The following MEGF6 variants were observed in gnomAD, a reference collection of about 807,000 sequenced individuals.
MEGF6 encodes multiple epidermal growth factor-like domains protein 6.
MEGF6 carries 184 observed loss-of-function variants against 207.1 expected under a neutral mutation model. The observed-to-expected ratio is 0.89, with a 90% CI of 0.79 to 1.00. The LOEUF is 1.00. Ranked by LOEUF, MEGF6 falls within the 50% of genes least tolerant of loss-of-function variation. MEGF6 has a pLI of 0.00. For synonymous variants in MEGF6, 1,038 were observed against 910.0 expected, an observed-to-expected ratio of 1.14 and a Z score of -2.53; for missense variants, 2,282 against 2,202.9, an observed-to-expected ratio of 1.04 and a Z score of -0.72.
chr1:3,579,948 A>C lies in MEGF6; in HGVS notation c.377-19T>G. ...CATTCAGCTGCGGAGGGAAGGAGAA[A>C]ATCGGTGAGAGGGGCAAGGAGGGGT... On this transcript the variant is annotated intron_variant, in intron 3 of 36. Coordinates refer to ENST00000356575, the MANE Select transcript of MEGF6 (RefSeq NM_001409.4). The C allele has an allele frequency of 6.7e-7, 1 of 1,489,732 alleles. No homozygotes were observed. The highest frequency in any genetic ancestry group is 8.9e-7 in the Non-Finnish European group (1 of 1,121,376). The allele number at this position is 1,489,732 out of a possible 1,614,324, so 92.3% of individuals were successfully genotyped here. A position where few individuals can be genotyped will look rare whatever the true frequency, so the allele number is the denominator to read the frequency against.
chr1:3,608,513 T>C (rs772068956), intron 1 of MEGF6, among the ~76,000 whole-genome samples: 6 of 151,942 alleles, frequency 3.9e-5, no homozygotes, highest in Admixed American at 2.0e-4. Flanking sequence ...GGACTTGAGC[T>C]TGCAGGGCCC....
In MEGF6 at chr1:3,489,681, C is replaced by G. The variant is rs1640274163; in HGVS notation, c.*847G>C. Among the ~76,000 whole-genome samples the G allele has an allele frequency of 6.6e-6, 1 of 152,152 alleles. No individual in the cohort carries two copies. The highest frequency in any genetic ancestry group is 6.5e-5 in the Admixed American group (1 of 15,278). ...CCACACCAGCCCTCCTCCCCCTGGGCCATTCTCTGGGAACAGCCAGTCTCT... is the reference window on the plus strand; with the variant it reads ...CCACACCAGCCCTCCTCCCCCTGGGGCATTCTCTGGGAACAGCCAGTCTCT... On this transcript the variant is annotated 3_prime_UTR_variant, in exon 37 of 37. Coordinates refer to ENST00000356575, the MANE Select transcript of MEGF6 (RefSeq NM_001409.4).
chr1:3,551,150 C>T (rs1027992244), intron 4 of MEGF6, among the ~76,000 whole-genome samples: 3 of 152,180 alleles, frequency 2.0e-5, no homozygotes, highest in Non-Finnish European at 4.4e-5. Context: ...GTGAGGCTGC[C>T]AGACCCAGCC....
chr1:3,493,527 C>T, intron 34 of MEGF6: 1 of 575,960 alleles, frequency 1.7e-6, no homozygotes, highest in South Asian at 2.3e-5. Flanking sequence ...CCATGGCCTT[C>T]CTGGGACGTT....
chr1:3,502,958 G>A (rs1200457987), intron 17 of MEGF6, among the ~76,000 whole-genome samples: 1 of 152,164 alleles, frequency 6.6e-6, no homozygotes, highest in Non-Finnish European at 1.5e-5. Flanking sequence ...CTCTCCCTGG[G>A]CTCACAATGG....
intron 24 of MEGF6, 46 bp from the exon 25 acceptor site, chr1:3,498,872 GC>G (rs1557718685): frequency 1.3e-6 from 2 of 1,540,462 alleles, no homozygotes; most frequent in Admixed American, 3.9e-5. Flanking sequence ...CAGCCAGCTG[GC>G]CCCACAGGGT....
chr1:3,533,531 C>T (rs1007178526), intron 4 of MEGF6, among the ~76,000 whole-genome samples: 2 of 152,236 alleles, frequency 1.3e-5, no homozygotes, highest in Non-Finnish European at 2.9e-5. Flanking sequence ...AGCCACAGCC[C>T]AACAGGGCCT....
chr1:3,488,883 C>T lies in MEGF6; in HGVS notation c.*1645G>A, dbSNP rs933355699. On this transcript the variant is annotated 3_prime_UTR_variant, in exon 37 of 37. Coordinates refer to ENST00000356575, the MANE Select transcript of MEGF6 (RefSeq NM_001409.4). ...CCTTTAGATCTGAGAACGTCTTGGT[C>T]GTCGTTGCTTCATGTCAATGACTTC... Among the ~76,000 whole-genome samples the T allele has an allele frequency of 5.3e-5, 8 of 152,142 alleles. No individual in the cohort carries two copies. Among genetic ancestry groups the T allele is most frequent in the Non-Finnish European group, 1.0e-4 (7 of 68,028 alleles).
At chr1:3,498,907 T>A in intron 24 of MEGF6, 81 bp from the exon 25 acceptor site, 2 of 1,512,606 alleles carry the variant, frequency 1.3e-6, no homozygotes, top group Non-Finnish European at 1.8e-6. Context: ...CAGCCCCATG[T>A]TGGACTTTGG....
chr1:3,517,934 T>G (rs1641606793), intron 5 of MEGF6, among the ~76,000 whole-genome samples: 1 of 152,114 alleles, frequency 6.6e-6, no homozygotes, highest in African/African-American at 2.4e-5. Context: ...CCCCACCCAG[T>G]GGGGGTTTGA....
intron 36 of MEGF6, 78 bp from the exon 37 acceptor site, chr1:3,490,667 C>T (rs1239799774): frequency 2.7e-6 from 4 of 1,474,110 alleles, no homozygotes; most frequent in African/African-American, 1.4e-5. Flanking sequence ...GGGTTGGCAC[C>T]TCTCCCTCCC....
In MEGF6 at chr1:3,496,706, T is replaced by C. The variant is rs1228727079; in HGVS notation, c.3691A>G (p.Thr1231Ala). 1 of 1,560,732 alleles carries C rather than the reference T, an allele frequency of 6.4e-7. No homozygotes were observed. The highest frequency in any genetic ancestry group is 1.9e-5 in the Admixed American group (1 of 52,510). The part of the protein sequence containing the change: ...CLNGGSCDAA[T>A]GACRCPTGFL... The stretch of plus-strand genomic sequence containing the variant: ...CCAGTGGGGCAGCGGCAGGCCCCCG[T>C]GGCCGCATCACAGGAGCCCCCGTTG... The change falls in exon 29 of 37, where the codon ACG becomes GCG. Residue 1231 changes from threonine to alanine, a missense_variant. Transcript: ENST00000356575.
At chr1:3,513,848 T>C (rs1641440938) in intron 7 of MEGF6, among the ~76,000 whole-genome samples, 1 of 151,980 alleles carries the variant, frequency 6.6e-6, no homozygotes, top group African/African-American at 2.4e-5. Flanking sequence ...CTCGTTGGCC[T>C]ACCAAAGTGC....
intron 4 of MEGF6, among the ~76,000 whole-genome samples, chr1:3,549,916 G>A (rs893236959): frequency 6.6e-6 from 1 of 152,152 alleles, no homozygotes; most frequent in Non-Finnish European, 1.5e-5. Flanking sequence ...TCAGAACCAG[G>A]CTAGGCTCTG....
intron 4 of MEGF6, among the ~76,000 whole-genome samples, chr1:3,544,029 G>A (rs916791005): frequency 3.3e-5 from 5 of 152,174 alleles, no homozygotes; most frequent in Non-Finnish European, 5.9e-5. Context: ...CCGCTCTATC[G>A]CGGGAGAGCC....
At chr1:3,503,510 C>T (rs1283188160) in intron 17 of MEGF6, among the ~76,000 whole-genome samples, 2 of 152,184 alleles carry the variant, frequency 1.3e-5, no homozygotes, top group African/African-American at 4.8e-5. Context: ...AGCCTTCCTC[C>T]TCTCAGGAAC....
chr1:3,561,922 G>A, intron 4 of MEGF6, among the ~76,000 whole-genome samples: 1 of 152,352 alleles, frequency 6.6e-6, no homozygotes, highest in South Asian at 2.1e-4. Flanking sequence ...GTCAAAGGAA[G>A]GAAGCCAAGA....
chr1:3,543,616 T>A (rs961499875), intron 4 of MEGF6, among the ~76,000 whole-genome samples: 12 of 152,130 alleles, frequency 7.9e-5, no homozygotes, highest in African/African-American at 2.9e-4. Context: ...AGAGGAAGCG[T>A]CGGCACTGCT....
intron 30 of MEGF6, among the ~76,000 whole-genome samples, 200 bp downstream of exon 30, chr1:3,495,690 G>A (rs56175625): frequency 0.025 from 3,780 of 152,264 alleles, 70 homozygotes; most frequent in East Asian, 0.044. Context: ...GGCATGGGAC[G>A]GTCCATTCCC....
Sources: gnomAD v4.1 joint callset for allele counts (sites outside exome capture counted in the v4.1 genomes callset) on GRCh38, gnomAD v4.1.1 for gene constraint, MANE v1.5 for transcripts, NCBI Gene and HGNC (gene_info 2026-07-23, HGNC 2026-07-21) for gene names.